SORCS1: variants seen among roughly 807,000 people sequenced by gnomAD.
SORCS1 encodes the protein VPS10 domain-containing receptor SorCS1.
A neutral mutation model predicts 146.1 loss-of-function variants in SORCS1; 60 were observed. The observed-to-expected ratio is 0.41, with a 90% CI of 0.33 to 0.51. The LOEUF is 0.51. Among genes scored for constraint, SORCS1 ranks in the 20% least tolerant of loss-of-function variants. The pLI is 0.21. For missense variants in SORCS1, 1,352 were observed against 1,487.6 expected (o/e 0.91, Z 1.50); for synonymous variants, 637 against 584.0 (o/e 1.09, Z -1.31).
intron 1 of SORCS1, among the ~76,000 whole-genome samples, chr10:107,054,740 T>A (rs1046980461): frequency 6.6e-6 from 1 of 152,194 alleles, no homozygotes; most frequent in Non-Finnish European, 1.5e-5. Flanking sequence ...GCATGAGCTA[T>A]GCTAGCCAAC....
At chr10:107,179,850 CCCACTCTTTAG>C in the SORCS1 span, among the ~76,000 whole-genome samples, 8 of 149,972 alleles carry the variant, frequency 5.3e-5, no homozygotes, top group African/African-American at 1.5e-4. Flanking sequence ...AATATGTTTT[CCCACTCTTTAG>C]CATGTATTTT....
rs560761632 is a variant in SORCS1, at chr10:106,577,134, GTGTT to G, written c.*282_*285del. Reference sequence around the variant, plus strand: ...GAATTAAAAAGTCCCGATGCAGTGAGTGTTTGTTTGTTTGTTTGGATTTTGATTG... The same window carrying G: ...GAATTAAAAAGTCCCGATGCAGTGAGTGTTTGTTTGTTTGGATTTTGATTG... On this transcript the variant is annotated 3_prime_UTR_variant, in exon 26 of 26. Transcript: ENST00000263054. 108 of 1,173,012 alleles carry G rather than the reference GTGTT, an allele frequency of 9.2e-5. No individual in the cohort carries two copies. Among genetic ancestry groups the G allele is most frequent in the East Asian group, 7.9e-4 (19 of 24,102 alleles). 72.7% of individuals were successfully genotyped at this position (1,173,012 alleles called of 1,614,324 possible). A position where few individuals can be genotyped will look rare whatever the true frequency, so the allele number is the denominator to read the frequency against.
intron 18 of SORCS1, among the ~76,000 whole-genome samples, chr10:106,647,627 T>A (rs1312763449): frequency 6.6e-6 from 1 of 152,168 alleles, no homozygotes; most frequent in East Asian, 1.9e-4. Context: ...AGTTTTTCAA[T>A]GGTATTGGGA....
chr10:107,005,917 C>T (rs534812362), intron 1 of SORCS1, among the ~76,000 whole-genome samples: 57 of 152,240 alleles, frequency 3.7e-4, no homozygotes, highest in African/African-American at 1.3e-3. Context: ...AATTTCTATA[C>T]CACCATGATA....
intron 1 of SORCS1, among the ~76,000 whole-genome samples, chr10:107,006,093 A>G (rs1184582052): frequency 6.6e-6 from 1 of 152,162 alleles, no homozygotes; most frequent in Non-Finnish European, 1.5e-5. Flanking sequence ...TGCCTCTCCT[A>G]TTAGATTTTG....
chr10:106,689,393 C>A (rs1853124979), intron 9 of SORCS1, among the ~76,000 whole-genome samples: 1 of 152,086 alleles, frequency 6.6e-6, no homozygotes, highest in African/African-American at 2.4e-5. Flanking sequence ...ATGTACATTA[C>A]CTCATTTAAT....
intron 2 of SORCS1, among the ~76,000 whole-genome samples, chr10:106,898,786 G>C (rs1413690029): frequency 6.6e-6 from 1 of 152,024 alleles, no homozygotes; most frequent in East Asian, 1.9e-4. Context: ...GATCAATTCT[G>C]ATGGTTCTTT....
chr10:106,702,274 A>G (rs1043338468), intron 8 of SORCS1, among the ~76,000 whole-genome samples: 4 of 152,154 alleles, frequency 2.6e-5, no homozygotes, highest in Admixed American at 1.3e-4. Flanking sequence ...TTCCCAATTC[A>G]TCTTCCCTTC....
At chr10:106,947,495 C>G (rs924410881) in intron 2 of SORCS1, among the ~76,000 whole-genome samples, 4 of 152,186 alleles carry the variant, frequency 2.6e-5, no homozygotes, top group African/African-American at 9.6e-5. Context: ...AGCTGGCTGT[C>G]AGACCATTAA....
At chr10:106,812,683 T>C (rs2136809883) in intron 3 of SORCS1, among the ~76,000 whole-genome samples, 1 of 152,272 alleles carries the variant, frequency 6.6e-6, no homozygotes, top group African/African-American at 2.4e-5. Flanking sequence ...TTTAATAGAG[T>C]AAATGCAACA....
intron 6 of SORCS1, among the ~76,000 whole-genome samples, chr10:106,717,236 C>A (rs1855440748): frequency 1.3e-5 from 2 of 152,242 alleles, no homozygotes; most frequent in African/African-American, 4.8e-5. Flanking sequence ...TTTTGTTCTA[C>A]TGCTCTATTA....
At chr10:106,818,124 C>T (rs1031595181) in intron 3 of SORCS1, among the ~76,000 whole-genome samples, 3 of 152,174 alleles carry the variant, frequency 2.0e-5, no homozygotes, top group Non-Finnish European at 4.4e-5. Flanking sequence ...TAAAACATGT[C>T]AATTAATCTC....
intron 1 of SORCS1, among the ~76,000 whole-genome samples, chr10:106,967,511 T>C (rs762529101): frequency 6.6e-6 from 1 of 152,010 alleles, no homozygotes; most frequent in Non-Finnish European, 1.5e-5. Context: ...TTTCTACATA[T>C]GGATAGTAAA....
At chr10:106,809,945 A>C (rs975214495) in intron 3 of SORCS1, among the ~76,000 whole-genome samples, 7 of 152,044 alleles carry the variant, frequency 4.6e-5, no homozygotes, top group Non-Finnish European at 8.8e-5. Context: ...AGTTAGCCAA[A>C]AGCAGTGGCC....
chr10:106,636,277 T>C (rs569242016), intron 18 of SORCS1, among the ~76,000 whole-genome samples: 1 of 151,244 alleles, frequency 6.6e-6, no homozygotes, highest in Admixed American at 6.6e-5. Flanking sequence ...AAAAAAAAAA[T>C]AGAAAAGGAA....
At chr10:106,807,471 A>G (rs1438385047) in intron 3 of SORCS1, among the ~76,000 whole-genome samples, 1 of 152,190 alleles carries the variant, frequency 6.6e-6, no homozygotes, top group Non-Finnish European at 1.5e-5. Flanking sequence ...TTTTGAGCTC[A>G]GATGTTTGTA....
At chr10:106,788,501 A>G (rs1946163817) in intron 3 of SORCS1, among the ~76,000 whole-genome samples, 1 of 152,226 alleles carries the variant, frequency 6.6e-6, no homozygotes, top group Admixed American at 6.5e-5. Context: ...GGTATTGGGT[A>G]AATGCTCACA....
intron 3 of SORCS1, among the ~76,000 whole-genome samples, chr10:106,806,420 AAAAT>A (rs1947179256): frequency 6.7e-6 from 1 of 148,432 alleles, no homozygotes. Flanking sequence ...AAAATAAAAT[AAAAT>A]AAAATAATCA....
upstream of SORCS1, among the ~76,000 whole-genome samples, chr10:107,169,376 C>G (rs992473737): frequency 6.6e-6 from 1 of 152,150 alleles, no homozygotes; most frequent in Non-Finnish European, 1.5e-5. Context: ...TTTTTAAAAT[C>G]TGTCCCTTAA....
Sources: gnomAD v4.1 joint callset for allele counts (sites outside exome capture counted in the v4.1 genomes callset) on GRCh38, gnomAD v4.1.1 for gene constraint, MANE v1.5 for transcripts, NCBI Gene and HGNC (gene_info 2026-07-23, HGNC 2026-07-21) for gene names.